Variants in DNM1 observed in about 807,000 individuals in gnomAD.
The protein encoded by DNM1 is dynamin-1.
A neutral mutation model predicts 104.6 loss-of-function variants in DNM1; 29 were observed. The ratio of observed to expected loss-of-function variants is 0.28; its 90% CI spans 0.21 to 0.38. DNM1 has a LOEUF of 0.38. Among genes scored for constraint, DNM1 ranks in the 10% least tolerant of loss-of-function variants. The pLI is 1.00. For missense variants in DNM1, 640 were observed against 1,189.4 expected (o/e 0.54, Z 6.79); for synonymous variants, 445 against 475.8 (o/e 0.94, Z 0.84).
At chr9:128,216,684 T>C (rs930194001) in intron 1 of DNM1, among the ~76,000 whole-genome samples, 1 of 152,222 alleles carries the variant, frequency 6.6e-6, no homozygotes, top group African/African-American at 2.4e-5. Flanking sequence ...GAGGGGGCTT[T>C]GAACCTAGGA....
chr9:128,215,457 G>A (rs942722084), intron 1 of DNM1, among the ~76,000 whole-genome samples: 2 of 152,250 alleles, frequency 1.3e-5, no homozygotes, highest in African/African-American at 4.8e-5. Flanking sequence ...CCATGACAGA[G>A]ATGGGCCACC....
In DNM1 at chr9:128,250,833, G is replaced by T. The variant is rs897409469; in HGVS notation, c.2427G>T (p.Leu809=). The T allele has an allele frequency of 6.9e-6, 9 of 1,303,164 alleles. No individual in the cohort carries two copies. The highest frequency in any genetic ancestry group is 5.0e-5 in the South Asian group (2 of 40,158). 80.7% of individuals were successfully genotyped at this position (1,303,164 alleles called of 1,614,324 possible). Reference sequence around the variant, plus strand: ...GGCCTCCGCCTGCTGGGTCCGCCCTGGGGGGGGCGCCCCCCGTGCCCTCCA... The same window carrying T: ...GGCCTCCGCCTGCTGGGTCCGCCCTTGGGGGGGCGCCCCCCGTGCCCTCCA... ...APGPPPAGSA[L]GGAPPVPSRP... is the part of the protein sequence containing the mutation. The change falls in exon 21 of 22, where the codon CTG becomes CTT. Residue 809 remains leucine (L), a synonymous_variant. Coordinates refer to ENST00000372923, the MANE Select transcript of DNM1 (RefSeq NM_004408.4).
chr9:128,248,222 G>C lies in DNM1; in HGVS notation c.1905+287G>C, dbSNP rs1358541480. ...CGCGCCTGTAATCCCAGCTACTCAG[G>C]AGGCTGAGGCAGGAGAATCGCTTGA... On this transcript the variant is annotated intron_variant, in intron 18 of 21. Transcript: ENST00000372923. This position sits in a 1 kb window ranked among gnomAD's most constrained non-coding sequence, Gnocchi z 5.6. The C allele has an allele frequency of 5.8e-6, 3 of 518,910 alleles. No individual in the cohort carries two copies. In the Admixed American group the frequency reaches 1.0e-4, roughly 17 times the overall value. 32.1% of individuals were successfully genotyped at this position (518,910 alleles called of 1,614,324 possible).
chr9:128,220,742 C>CGCGCGCGCGCGTGT lies in DNM1; in HGVS notation c.849+402_849+403insCGCGCGCGCGTGTG, dbSNP rs61020870. 9.5e-5 allele frequency among the ~76,000 whole-genome samples: 13 copies of CGCGCGCGCGCGTGT among 136,272 alleles called. No homozygotes were observed. Among genetic ancestry groups the CGCGCGCGCGCGTGT allele is most frequent in the Admixed American group, 2.2e-4 (3 of 13,658 alleles). The allele number at this position is 136,272 out of a possible 152,430, so 89.4% of individuals were successfully genotyped here. ...CAGAACTGAAGTGCGCGCGCGCGCG[C>CGCGCGCGCGCGTGT]GTGTGTGTGTGTGTGTGTGTGTGTG... is the stretch of plus-strand genomic sequence containing the variant. On this transcript the variant is annotated intron_variant, in intron 6 of 21. Coordinates refer to ENST00000372923, the MANE Select transcript of DNM1 (RefSeq NM_004408.4). The surrounding 1 kb of genome is among the most constrained non-coding windows in gnomAD (Gnocchi z 5.2).
rs994277513 is a variant in DNM1 at position 128,250,032 on chromosome 9, A to T, written c.2077-83A>T. On this transcript the variant is annotated intron_variant, in intron 19 of 21. Transcript: ENST00000372923. Reference sequence around the variant, plus strand: ...CGCGTCTGAAAAGCCACACCAGCTCACAGTCCCAGCAGGGCCCGGTGGGGC... The same window carrying T: ...CGCGTCTGAAAAGCCACACCAGCTCTCAGTCCCAGCAGGGCCCGGTGGGGC... The T allele has an allele frequency of 2.5e-6, 4 of 1,602,206 alleles. No individual in the cohort carries two copies. The African/African-American group carries it at 4.0e-5, about 16-fold the overall frequency.
At chr9:128,233,771 A>G (rs1274930486) in intron 10 of DNM1, 5 of 549,530 alleles carry the variant, frequency 9.1e-6, no homozygotes, top group Non-Finnish European at 3.2e-6. Flanking sequence ...TTGCCCAGGT[A>G]GGCCAGTGAA....
chr9:128,236,703 CTAGCT>C (rs1176077731), intron 11 of DNM1, among the ~76,000 whole-genome samples: 1 of 152,058 alleles, frequency 6.6e-6, no homozygotes, highest in Non-Finnish European at 1.5e-5. Flanking sequence ...ATTTAAAAAA[CTAGCT>C]AGGTGAGGCG....
rs1835872051 is a variant in DNM1 at position 128,234,218 on chromosome 9, C to A, written c.1422+111C>A. The A allele has an allele frequency of 1.2e-5, 10 of 857,486 alleles. No individual in the cohort carries two copies. In the South Asian group the frequency reaches 1.6e-4, roughly 14 times the overall value. The allele number at this position is 857,486 out of a possible 1,614,324, so 53.1% of individuals were successfully genotyped here. A position where few individuals can be genotyped will look rare whatever the true frequency, so the allele number is the denominator to read the frequency against. On this transcript the variant is annotated intron_variant, in intron 11 of 21. Transcript: ENST00000372923. ...CCTTCTTGTTTTGTCTCTTCTGTCT[C>A]AGTCTTCCTCTGTCTCATACTGACT...
chr9:128,231,933 G>C (rs948144811), intron 10 of DNM1: 4 of 451,310 alleles, frequency 8.9e-6, no homozygotes, highest in African/African-American at 6.0e-5. Flanking sequence ...GTGGGCTCCA[G>C]GCTGATCGCC....
intron 1 of DNM1, among the ~76,000 whole-genome samples, chr9:128,209,042 G>A (rs1365060569): frequency 1.3e-5 from 2 of 152,102 alleles, no homozygotes; most frequent in Non-Finnish European, 2.9e-5. Flanking sequence ...GGTTGGGGAG[G>A]CGGGGCTTGA....
At chr9:128,211,160 C>A (rs1834267153) in intron 1 of DNM1, among the ~76,000 whole-genome samples, 1 of 152,158 alleles carries the variant, frequency 6.6e-6, no homozygotes, top group Non-Finnish European at 1.5e-5. Context: ...GACTCCAGCC[C>A]CTTTGTCTTA....
chr9:128,209,260 A>C (rs1834151737), intron 1 of DNM1, among the ~76,000 whole-genome samples: 1 of 151,934 alleles, frequency 6.6e-6, no homozygotes, highest in Non-Finnish European at 1.5e-5. Flanking sequence ...CCCACACCCC[A>C]CCGTGGCCCA....
chr9:128,249,025 T>C (rs1181379585), intron 19 of DNM1, among the ~76,000 whole-genome samples: 1 of 151,010 alleles, frequency 6.6e-6, no homozygotes, highest in African/African-American at 2.4e-5. Context: ...AAACCCCATC[T>C]CTACTAAAAA....
Position 128,253,431 on chromosome 9 carries a change from G to A in DNM1, c.2535-1223G>A. The A allele has an allele frequency of 2.0e-6, 1 of 491,826 alleles. No homozygotes were observed. Among genetic ancestry groups the A allele is most frequent in the Non-Finnish European group, 3.7e-6 (1 of 272,178 alleles). The allele number at this position is 491,826 out of a possible 1,614,324, so 30.5% of individuals were successfully genotyped here. On this transcript the variant is annotated intron_variant, in intron 21 of 21. Coordinates refer to ENST00000372923, the MANE Select transcript of DNM1 (RefSeq NM_004408.4). The surrounding 1 kb of genome is among the most constrained non-coding windows in gnomAD (Gnocchi z 5.9). ...ACATGGGTGCTCTCTGGAGCCGTCAGAGAGGGCAGAGAGCTCGTGGTTTAT... is the reference window on the plus strand; with the variant it reads ...ACATGGGTGCTCTCTGGAGCCGTCAAAGAGGGCAGAGAGCTCGTGGTTTAT...
chr9:128,227,076 A>C lies in DNM1; in HGVS notation c.1335+2687A>C, dbSNP rs959843123. Among the ~76,000 whole-genome samples, 4 of 132,330 alleles carry C rather than the reference A, an allele frequency of 3.0e-5. No homozygotes were observed. The Admixed American group carries it at 3.6e-4, about 12-fold the overall frequency. The allele number at this position is 132,330 out of a possible 152,430, so 86.8% of individuals were successfully genotyped here. ...GTCGCCCAGGCTGGAGTGCAGTGGCACCATCTTGGCTCACTGCAACCTCTG... is the reference window on the plus strand; with the variant it reads ...GTCGCCCAGGCTGGAGTGCAGTGGCCCCATCTTGGCTCACTGCAACCTCTG... On this transcript the variant is annotated intron_variant, in intron 10 of 21. Coordinates refer to ENST00000372923, the MANE Select transcript of DNM1 (RefSeq NM_004408.4).
intron 1 of DNM1, among the ~76,000 whole-genome samples, chr9:128,204,588 C>A (rs897546583): frequency 2.0e-5 from 3 of 152,120 alleles, no homozygotes; most frequent in Non-Finnish European, 4.4e-5. Context: ...TCCCCACAAA[C>A]CCCCAAAGGG....
chr9:128,254,748 C>T lies in DNM1; in HGVS notation c.*34C>T. The T allele has an allele frequency of 6.3e-7, 1 of 1,581,972 alleles. No homozygotes were observed. The highest frequency in any genetic ancestry group is 8.6e-7 in the Non-Finnish European group (1 of 1,166,890). On this transcript the variant is annotated 3_prime_UTR_variant, in exon 22 of 22. Transcript: ENST00000372923. This position sits in a 1 kb window ranked among gnomAD's most constrained non-coding sequence, Gnocchi z 6.1. ...CTCCTCTTCTCGGAGACCTCCCTTTCCAAGCCTGCCTGGACGGCTGTTCTG... is the reference window on the plus strand; with the variant it reads ...CTCCTCTTCTCGGAGACCTCCCTTTTCAAGCCTGCCTGGACGGCTGTTCTG...
Position 128,247,939 on chromosome 9 carries a change from A to C in DNM1, c.1905+4A>C. 6.2e-7 allele frequency: 1 copy of C among 1,614,034 alleles called. No individual in the cohort carries two copies. The highest frequency in any genetic ancestry group is 8.5e-7 in the Non-Finnish European group (1 of 1,180,008). ...GGCCTCCCAGGACAAAGAGAAAGTG[A>C]GTGTGCCCTTCTCTTGCCTCCTGCC... On this transcript the variant is annotated splice_donor_region_variant and intron_variant, in intron 18 of 21. Transcript: ENST00000372923. The surrounding 1 kb of genome is among the most constrained non-coding windows in gnomAD (Gnocchi z 5.1).
At chr9:128,219,277 G>A (rs200703805) in intron 4 of DNM1, 25 bp downstream of exon 4, 2 of 1,598,918 alleles carry the variant, frequency 1.3e-6, no homozygotes, top group African/African-American at 1.3e-5. Flanking sequence ...GGTGGCCAAT[G>A]CACAAAACCC....
Sources: gnomAD v4.1 joint callset for allele counts (sites outside exome capture counted in the v4.1 genomes callset) on GRCh38, gnomAD v4.1.1 for gene constraint, Gnocchi (gnomAD v3.1) non-coding constraint, MANE v1.5 for transcripts, NCBI Gene and HGNC (gene_info 2026-07-23, HGNC 2026-07-21) for gene names.